The following ASXL2 variants were observed in gnomAD, a reference collection of about 807,000 sequenced individuals.
ASXL2 encodes the protein putative Polycomb group protein ASXL2.
ASXL2 carries 23 observed loss-of-function variants against 122.0 expected under a neutral mutation model. The observed-to-expected ratio is 0.19, with a 90% CI of 0.14 to 0.27. The LOEUF (loss-of-function observed/expected upper bound fraction) is 0.27, where lower values mean the gene tolerates loss of function less well. Among genes scored for constraint, ASXL2 ranks in the 10% least tolerant of loss-of-function variants. The pLI, the probability that ASXL2 is intolerant of heterozygous loss-of-function variation, is 1.00. For synonymous variants in ASXL2, 650 were observed against 637.0 expected (o/e 1.02, Z -0.31); for missense variants, 1,518 against 1,713.8 (o/e 0.89, Z 2.02).
At chr2:25,780,031 C>G (rs1292550581) in intron 5 of ASXL2, among the ~76,000 whole-genome samples, 1 of 152,124 alleles carries the variant, frequency 6.6e-6, no homozygotes, top group Non-Finnish European at 1.5e-5. Flanking sequence ...CCATGCCCAG[C>G]TAATTGTATT....
At position 25,768,791 on chromosome 2, in the gene ASXL2, G is replaced by C; in HGVS notation, c.582C>G (p.Leu194=). The C allele has an allele frequency of 6.2e-7, 1 of 1,613,916 alleles. No homozygotes were observed. The highest frequency in any genetic ancestry group is 1.1e-5 in the South Asian group (1 of 91,076). The change falls in exon 7 of 13, where the codon CTC becomes CTG. Residue 194 remains leucine (L), a synonymous_variant. Coordinates refer to ENST00000435504, the MANE Select transcript of ASXL2 (RefSeq NM_018263.6). ...PSISISSNQH[L]SLKTVKAASD... The stretch of plus-strand genomic sequence containing the variant: ...TGGCTGCTTTGACAGTCTTTAGTGA[G>C]AGATGCTGGTTGGAGGAGATGGATA...
At chr2:25,764,106 T>C (rs2088299631) in intron 8 of ASXL2, among the ~76,000 whole-genome samples, 1 of 152,244 alleles carries the variant, frequency 6.6e-6, no homozygotes, top group African/African-American at 2.4e-5. Flanking sequence ...TAAATTCAAA[T>C]AGTACCTAAA....
chr2:25,799,508 GCTCTTT>G lies in ASXL2; in HGVS notation c.274_279del (p.Lys92_Glu93del). The G allele has an allele frequency of 6.2e-7, 1 of 1,613,752 alleles. No individual in the cohort carries two copies. Among genetic ancestry groups the G allele is most frequent in the Non-Finnish European group, 8.5e-7 (1 of 1,179,802 alleles). The stretch of plus-strand genomic sequence containing the variant: ...CTGCTTTCTTCTGAACCTTCTGACA[GCTCTTT>G]CACCCCATCCGGCACATCTTTCTGA... On this transcript the variant is annotated inframe_deletion, in exon 5 of 13. Coordinates refer to ENST00000435504, the MANE Select transcript of ASXL2 (RefSeq NM_018263.6).
chr2:25,821,458 A>T (rs2089309717), intron 3 of ASXL2, among the ~76,000 whole-genome samples: 1 of 152,024 alleles, frequency 6.6e-6, no homozygotes, highest in East Asian at 1.9e-4. Flanking sequence ...ACCTCAATAA[A>T]GTTGTTTTTA....
chr2:25,738,591 CAG>C lies in ASXL2; in HGVS notation c.*3436_*3437del, dbSNP rs775712828. On this transcript the variant is annotated 3_prime_UTR_variant, in exon 13 of 13. Coordinates refer to ENST00000435504, the MANE Select transcript of ASXL2 (RefSeq NM_018263.6). ...TAGAAATAAATAGCAGTGTAATGAC[CAG>C]AGAAGTCTCCCCACTCCTCACCCCC... 1 of 152,128 alleles carries C rather than the reference CAG, an allele frequency of 6.6e-6. No individual in the cohort carries two copies. The highest frequency in any genetic ancestry group is 2.4e-5 in the African/African-American group (1 of 41,412). The allele number at this position is 152,128 out of a possible 1,614,324, so 9.4% of individuals were successfully genotyped here.
At position 25,737,762 on chromosome 2, in the gene ASXL2, C is replaced by T. The variant is rs1274476916; in HGVS notation, c.*4267G>A. 6.6e-6 allele frequency: 1 copy of T among 152,138 alleles called. No individual in the cohort carries two copies. The highest frequency in any genetic ancestry group is 1.5e-5 in the Non-Finnish European group (1 of 68,022). The allele number at this position is 152,138 out of a possible 1,614,324, so 9.4% of individuals were successfully genotyped here. A position where few individuals can be genotyped will look rare whatever the true frequency, so the allele number is the denominator to read the frequency against. ...TATAGGAATACATACAATCTATATA[C>T]ATATATTTATTGCAAATACTTAAAA... On this transcript the variant is annotated 3_prime_UTR_variant, in exon 13 of 13. Coordinates refer to ENST00000435504, the MANE Select transcript of ASXL2 (RefSeq NM_018263.6).
chr2:25,778,478 G>A (rs555927001), intron 5 of ASXL2, among the ~76,000 whole-genome samples: 49 of 152,326 alleles, frequency 3.2e-4, no homozygotes, highest in African/African-American at 1.1e-3. Context: ...ATTCAGAACT[G>A]AGAATAAATT....
chr2:25,858,324 A>T (rs1025300551), intron 1 of ASXL2, among the ~76,000 whole-genome samples: 2 of 151,878 alleles, frequency 1.3e-5, no homozygotes, highest in African/African-American at 4.8e-5. Context: ...AAATGACAAA[A>T]TGGCCTCTCC....
At chr2:25,859,721 A>G (rs937828984) in intron 1 of ASXL2, among the ~76,000 whole-genome samples, 16 of 152,370 alleles carry the variant, frequency 1.1e-4, no homozygotes, top group African/African-American at 3.8e-4. Context: ...ATTCTGAGCC[A>G]TAAAACACAC....
chr2:25,835,683 CT>C, intron 2 of ASXL2, 143 bp from the exon 3 acceptor site: 1 of 172,434 alleles, frequency 5.8e-6, no homozygotes, highest in South Asian at 1.1e-4. Flanking sequence ...TAGTAACCCC[CT>C]CATTAATTTC....
At chr2:25,847,987 T>C (rs1429782252) in intron 1 of ASXL2, among the ~76,000 whole-genome samples, 1 of 152,208 alleles carries the variant, frequency 6.6e-6, no homozygotes, top group Non-Finnish European at 1.5e-5. Context: ...TCAAATGTAA[T>C]ACATTTTAAT....
At chr2:25,756,151 A>C in intron 9 of ASXL2, 37 bp from the exon 10 acceptor site, 3 of 1,373,102 alleles carry the variant, frequency 2.2e-6, no homozygotes, top group Non-Finnish European at 9.9e-7. Flanking sequence ...GCTTACAAAG[A>C]AAGTGAAAGG....
At position 25,735,545 on chromosome 2, in the gene ASXL2, CT is replaced by C. The variant is rs1314106940; in HGVS notation, c.*6483del. On this transcript the variant is annotated 3_prime_UTR_variant, in exon 13 of 13. Coordinates refer to ENST00000435504, the MANE Select transcript of ASXL2 (RefSeq NM_018263.6). ...ATGAAGAGATACAGTTACTTATCAT[CT>C]ATAAGATGAAAATCATGTTTTAAGA... is the stretch of plus-strand genomic sequence containing the variant. 1 of 152,176 alleles carries C rather than the reference CT, an allele frequency of 6.6e-6. No homozygotes were observed. Among genetic ancestry groups the C allele is most frequent in the East Asian group, 1.9e-4 (1 of 5,200 alleles). The allele number at this position is 152,176 out of a possible 1,614,324, so 9.4% of individuals were successfully genotyped here. A position where few individuals can be genotyped will look rare whatever the true frequency, so the allele number is the denominator to read the frequency against.
chr2:25,875,028 C>T (rs935900306), intron 1 of ASXL2, among the ~76,000 whole-genome samples: 2 of 152,136 alleles, frequency 1.3e-5, no homozygotes, highest in African/African-American at 4.8e-5. Flanking sequence ...TGCCATGAGC[C>T]GCCATCGTGG....
chr2:25,821,418 G>A (rs1198959507), intron 3 of ASXL2, among the ~76,000 whole-genome samples: 2 of 151,658 alleles, frequency 1.3e-5, no homozygotes, highest in Non-Finnish European at 2.9e-5. Flanking sequence ...AAAATGAGGT[G>A]GAATTTGGAG....
intron 3 of ASXL2, chr2:25,822,808 A>G: frequency 1.8e-6 from 1 of 562,748 alleles, no homozygotes; most frequent in Non-Finnish European, 3.6e-6. Context: ...GATGGTTCAG[A>G]TGAAGACAGG....
chr2:25,801,347 A>C (rs895732270), intron 4 of ASXL2, among the ~76,000 whole-genome samples: 3 of 152,202 alleles, frequency 2.0e-5, no homozygotes, highest in Non-Finnish European at 4.4e-5. Flanking sequence ...ACAGACACAA[A>C]AATGTGACCC....
intron 8 of ASXL2, among the ~76,000 whole-genome samples, chr2:25,760,335 T>C (rs1253456206): frequency 2.0e-5 from 3 of 150,148 alleles, no homozygotes; most frequent in African/African-American, 7.4e-5. Flanking sequence ...CAAAGGAAAT[T>C]AAAAGGTAAT....
chr2:25,768,129 T>C (rs1481888781), intron 7 of ASXL2, among the ~76,000 whole-genome samples: 1 of 152,042 alleles, frequency 6.6e-6, no homozygotes, highest in African/African-American at 2.4e-5. Context: ...AACTCAAAGG[T>C]TGTATGTATT....
Sources: allele counts gnomAD v4.1 joint callset (sites outside exome capture counted in the v4.1 genomes callset), GRCh38; gene constraint gnomAD v4.1.1; transcripts MANE v1.5; gene names NCBI Gene and HGNC (gene_info 2026-07-23, HGNC 2026-07-21).